The following TPRG1 variants were observed in gnomAD, a reference collection of about 807,000 sequenced individuals.
TPRG1 encodes tumor protein p63-regulated gene 1 protein.
In TPRG1, 29 loss-of-function variants were observed where a neutral mutation model predicts 29.3. That is an observed-to-expected ratio of 0.99 (90% CI 0.74 to 1.35). TPRG1 has a LOEUF of 1.35. Among genes scored for constraint, TPRG1 ranks in the 40% most tolerant of loss-of-function variants. The probability of loss-of-function intolerance (pLI) is 0.00; values close to 1 mark genes in which losing one functional copy is unlikely to be tolerated. For missense variants in TPRG1, 327 were observed against 335.0 expected, an observed-to-expected ratio of 0.98 and a Z score of 0.19; for synonymous variants, 130 against 116.8, an observed-to-expected ratio of 1.11 and a Z score of -0.73.
intron 4 of TPRG1, among the ~76,000 whole-genome samples, chr3:189,248,216 G>A (rs1741642638): frequency 6.6e-6 from 1 of 151,514 alleles, no homozygotes; most frequent in South Asian, 2.1e-4. Context: ...TTTCTTTTAT[G>A]ATAAGTTTCA....
chr3:189,036,933 A>G (rs1171323991), intron 4 of TPRG1, among the ~76,000 whole-genome samples: 1 of 151,774 alleles, frequency 6.6e-6, no homozygotes, highest in Non-Finnish European at 1.5e-5. Context: ...TCTAAAAATC[A>G]TAAGATAAAC....
chr3:189,271,752 G>A (rs1244530173), intron 4 of TPRG1, among the ~76,000 whole-genome samples: 2 of 152,214 alleles, frequency 1.3e-5, no homozygotes, highest in African/African-American at 2.4e-5. Flanking sequence ...AGACATGGAC[G>A]ACTGAGGTAT....
chr3:189,244,401 A>G (rs1302627668), intron 4 of TPRG1, among the ~76,000 whole-genome samples: 1 of 152,150 alleles, frequency 6.6e-6, no homozygotes, highest in African/African-American at 2.4e-5. Context: ...CCTGGGTGAC[A>G]GAGATGAGAC....
rs527527415 is a variant in TPRG1 at position 189,255,952 on chromosome 3, C to A, written c.479+17043C>A. On this transcript the variant is annotated intron_variant, in intron 4 of 5. Transcript: ENST00000345063. ...GTCTATCTATTATGTTAATCTTTTC[C>A]AAAAAAAACAGCTCCTGGATTCATT... is the stretch of plus-strand genomic sequence containing the variant. Among the ~76,000 whole-genome samples, 8 of 150,972 alleles carry A rather than the reference C, an allele frequency of 5.3e-5. No individual in the cohort carries two copies. The South Asian group carries it at 1.0e-3, about 20-fold the overall frequency.
chr3:189,163,088 A>C (rs1727695273), intron 5 of TPRG1, among the ~76,000 whole-genome samples: 1 of 152,188 alleles, frequency 6.6e-6, no homozygotes, highest in Non-Finnish European at 1.5e-5. Flanking sequence ...CCTGGCCAAC[A>C]TGGTGAAACC....
chr3:189,043,929 G>A (rs981451621), intron 4 of TPRG1, among the ~76,000 whole-genome samples: 12 of 152,098 alleles, frequency 7.9e-5, no homozygotes, highest in African/African-American at 2.9e-4. Context: ...TACAGCATTT[G>A]AGCAATACCC....
At chr3:189,015,056 T>G (rs991135469) in intron 3 of TPRG1, among the ~76,000 whole-genome samples, 21 of 152,138 alleles carry the variant, frequency 1.4e-4, no homozygotes, top group African/African-American at 5.1e-4. Context: ...TTCCTTGAGA[T>G]TTTTTTGAAT....
intron 3 of TPRG1, among the ~76,000 whole-genome samples, chr3:189,235,669 G>T (rs1351364813): frequency 6.6e-6 from 1 of 152,112 alleles, no homozygotes; most frequent in Non-Finnish European, 1.5e-5. Flanking sequence ...TTCTTGCAGA[G>T]GTTGGTTTTA....
At chr3:189,108,890 A>G (rs1387476903) in intron 1 of TPRG1, among the ~76,000 whole-genome samples, 3 of 151,942 alleles carry the variant, frequency 2.0e-5, no homozygotes, top group African/African-American at 7.3e-5. Context: ...CGGTGTTTCC[A>G]TCTTGCTTTG....
chr3:189,011,118 T>G (rs976185058), intron 3 of TPRG1, among the ~76,000 whole-genome samples: 1 of 152,216 alleles, frequency 6.6e-6, no homozygotes, highest in Admixed American at 6.5e-5. Context: ...GTTAGATTGA[T>G]CTATATGTCT....
chr3:189,240,312 C>T (rs955478582), intron 4 of TPRG1: 1 of 151,990 alleles, frequency 6.6e-6, no homozygotes, highest in Non-Finnish European at 1.5e-5. Context: ...CTCTTCTACA[C>T]CAGACCCTCG....
intron 4 of TPRG1, among the ~76,000 whole-genome samples, chr3:189,034,599 A>C (rs1714140378): frequency 6.6e-6 from 1 of 152,196 alleles, no homozygotes; most frequent in African/African-American, 2.4e-5. Flanking sequence ...GAGTCTTTAA[A>C]AATTGTTAGT....
chr3:189,035,886 G>C (rs1197878331), intron 4 of TPRG1, among the ~76,000 whole-genome samples: 2 of 152,098 alleles, frequency 1.3e-5, no homozygotes, highest in East Asian at 3.9e-4. Flanking sequence ...ACTTAAAACA[G>C]AACTACCATT....
chr3:189,266,627 T>C (rs1430393126), intron 4 of TPRG1, among the ~76,000 whole-genome samples: 1 of 152,104 alleles, frequency 6.6e-6, no homozygotes, highest in Non-Finnish European at 1.5e-5. Context: ...TATCTCACAA[T>C]TCAGGCCAAG....
intron 4 of TPRG1, among the ~76,000 whole-genome samples, chr3:189,298,050 T>C (rs946547421): frequency 6.6e-6 from 1 of 152,198 alleles, no homozygotes; most frequent in African/African-American, 2.4e-5. Flanking sequence ...CAAACTCATA[T>C]GTATGCAAAG....
chr3:189,028,375 G>A (rs1351324549), intron 4 of TPRG1, among the ~76,000 whole-genome samples: 2 of 152,198 alleles, frequency 1.3e-5, no homozygotes, highest in Admixed American at 1.3e-4. Context: ...CACTGAAGAT[G>A]ACCAATAGTG....
At chr3:189,118,301 G>A (rs1721419297) in intron 1 of TPRG1, among the ~76,000 whole-genome samples, 1 of 152,062 alleles carries the variant, frequency 6.6e-6, no homozygotes, top group African/African-American at 2.4e-5. Flanking sequence ...GATTATTTAG[G>A]GAATCTGGCA....
intron 1 of TPRG1, among the ~76,000 whole-genome samples, chr3:189,113,050 C>G (rs562860096): frequency 0.012 from 1,812 of 152,070 alleles, 38 homozygotes; most frequent in African/African-American, 0.042. Context: ...CTTTTATTTC[C>G]TTGAGCAGTG....
chr3:189,002,720 T>C (rs710501), intron 2 of TPRG1, among the ~76,000 whole-genome samples: 149,598 of 152,256 alleles, frequency 0.98, 73,552 homozygotes, highest in East Asian at 1. Flanking sequence ...AGACATGACC[T>C]TTCATCTGAT....
Sources: gnomAD v4.1 joint callset for allele counts (sites outside exome capture counted in the v4.1 genomes callset) on GRCh38, gnomAD v4.1.1 for gene constraint, MANE v1.5 for transcripts, NCBI Gene and HGNC (gene_info 2026-07-23, HGNC 2026-07-21) for gene names.